OLR1: variants seen among roughly 807,000 people sequenced by gnomAD.
The protein encoded by OLR1 is oxidized low density lipoprotein receptor 1.
In OLR1, 23 loss-of-function variants were observed where a neutral mutation model predicts 31.7. The observed-to-expected ratio is 0.72, with a 90% confidence interval of 0.52 to 1.03. OLR1 has a LOEUF of 1.03. OLR1 is among the 50% of genes least tolerant of loss of function. OLR1 has a pLI of 0.00. For missense variants in OLR1, 286 were observed against 315.7 expected (o/e 0.91, Z 0.71); for synonymous variants, 117 against 115.8 (o/e 1.01, Z -0.07).
Position 10,159,869 on chromosome 12 carries a change from AGCCTTCAAATTCACTGTGCTCTTAGGTTT to A in OLR1, c.804_*10del. 6.3e-7 allele frequency: 1 copy of A among 1,594,380 alleles called. No homozygotes were observed. The highest frequency in any genetic ancestry group is 8.6e-7 in the Non-Finnish European group (1 of 1,169,008). ...CAAAGACTTTTTTCTTTTCTTCCAG[AGCCTTCAAATTCACTGTGCTCTTAGGTTT>A]GCCTTCTTCTGACATATACTGAAGG... On this transcript the variant is annotated stop_lost and 3_prime_UTR_variant, in exon 6 of 6. Transcript: ENST00000309539.
chr12:10,175,972 T>C (rs1373168981), upstream of OLR1, among the ~76,000 whole-genome samples: 1 of 152,254 alleles, frequency 6.6e-6, no homozygotes, highest in Non-Finnish European at 1.5e-5. Flanking sequence ...CCCTGAAGCA[T>C]AGGTGTAAAA....
intron 3 of OLR1, 105 bp from the exon 4 acceptor site, chr12:10,161,030 A>G: frequency 8.3e-7 from 1 of 1,203,080 alleles, no homozygotes; most frequent in Non-Finnish European, 1.2e-6. Flanking sequence ...CATACTATTT[A>G]TTTTTGTTTT....
chr12:10,171,851 T>C (rs1270041361), intron 1 of OLR1, 151 bp downstream of exon 1: 4 of 592,560 alleles, frequency 6.8e-6, no homozygotes, highest in Non-Finnish European at 1.2e-5. Flanking sequence ...ATCATCATTA[T>C]AGCCTTCTTG....
intron 2 of OLR1, 163 bp from the exon 3 acceptor site, chr12:10,167,120 A>C (rs1033754413): frequency 1.6e-6 from 1 of 637,732 alleles, no homozygotes; most frequent in Non-Finnish European, 2.7e-6. Context: ...AGGTTCTTGA[A>C]TATTCCTGCA....
At chr12:10,166,256 G>A (rs548573478) in intron 3 of OLR1, among the ~76,000 whole-genome samples, 22 of 152,046 alleles carry the variant, frequency 1.4e-4, no homozygotes, top group Admixed American at 1.1e-3. Flanking sequence ...GACCGAGAGC[G>A]GTGGCTCATG....
intron 3 of OLR1, among the ~76,000 whole-genome samples, chr12:10,162,615 G>A (rs766589294): frequency 2.0e-5 from 3 of 152,118 alleles, no homozygotes; most frequent in Non-Finnish European, 4.4e-5. Flanking sequence ...ATCGCTTGAG[G>A]CCAGGAGTTC....
intron 2 of OLR1, 94 bp from the exon 3 acceptor site, chr12:10,167,051 T>G: frequency 3.2e-6 from 4 of 1,238,610 alleles, no homozygotes; most frequent in Non-Finnish European, 3.4e-6. Flanking sequence ...TAAATCTATT[T>G]TGACAATAGA....
chr12:10,163,930 C>CA lies in OLR1; in HGVS notation c.424+2781dup, dbSNP rs943599614. Among the ~76,000 whole-genome samples the CA allele has an allele frequency of 4.5e-3, 593 of 133,256 alleles. 3 individuals are homozygous for CA. The highest frequency in any genetic ancestry group is 0.016 in the Middle Eastern group (4 of 258). 87.4% of individuals were successfully genotyped at this position (133,256 alleles called of 152,430 possible). A position where few individuals can be genotyped will look rare whatever the true frequency, so the allele number is the denominator to read the frequency against. ...TGGGTGACAGAGCGAGACTCCGTCT[C>CA]AAAAAAAAAAAAATGCTCTTTGATG... On this transcript the variant is annotated intron_variant, in intron 3 of 5. Transcript: ENST00000309539.
rs1421920051 is a variant in OLR1, at chr12:10,168,618, T to C, written c.178+456A>G. Among the ~76,000 whole-genome samples, 5 of 152,102 alleles carry C rather than the reference T, an allele frequency of 3.3e-5. No homozygotes were observed. In the East Asian group the frequency reaches 9.6e-4, roughly 29 times the overall value. ...AAGCTATTCTCCTACCTCAGCCTCC[T>C]GAGTAGCTGGGATTACAAGCATGTG... On this transcript the variant is annotated intron_variant, in intron 2 of 5. Transcript: ENST00000309539.
In OLR1 at chr12:10,169,102, T is replaced by C; in HGVS notation, c.150A>G (p.Val50=). ...GCATGCCCAGCACCATAATGGTCAC[T>C]ACTAATCCCAGGCAAAGGACCCCTA... ...ATLGVLCLGL[V]VTIMVLGMQL... The change falls in exon 2 of 6, where the codon GTA becomes GTG. Residue 50 remains valine, a synonymous_variant. Transcript: ENST00000309539. 6.2e-7 allele frequency: 1 copy of C among 1,613,880 alleles called. No homozygotes were observed. Among genetic ancestry groups the C allele is most frequent in the Non-Finnish European group, 8.5e-7 (1 of 1,179,914 alleles).
Position 10,160,411 on chromosome 12 carries a change from G to A in OLR1, c.616C>T (p.Leu206=). Residue 206 remains leucine (L), a synonymous_variant, in exon 5 of 6, where the codon CTG becomes TTG. Transcript: ENST00000309539. ...GGGTAGCTGGGGTTCCTCCGAGACA[G>A]CCCCATCCAGAATGGAAAACTGGAA... ...SYSSFPFWMG[L]SRRNPSYPWL... 6.2e-7 allele frequency: 1 copy of A among 1,613,900 alleles called. No homozygotes were observed. Among genetic ancestry groups the A allele is most frequent in the South Asian group, 1.1e-5 (1 of 90,964 alleles).
intron 2 of OLR1, among the ~76,000 whole-genome samples, chr12:10,167,831 G>C (rs1948675702): frequency 6.6e-6 from 1 of 152,016 alleles, no homozygotes; most frequent in African/African-American, 2.4e-5. Context: ...TGAAGGTTGT[G>C]AAATCAAGCA....
At chr12:10,166,506 C>T (rs577849318) in intron 3 of OLR1, among the ~76,000 whole-genome samples, 1 of 144,394 alleles carries the variant, frequency 6.9e-6, no homozygotes, top group South Asian at 2.2e-4. Context: ...CCAGCCTGGG[C>T]AAAAGAGCGA....
chr12:10,166,648 A>G (rs573323273), intron 3 of OLR1, 64 bp downstream of exon 3: 5 of 1,593,832 alleles, frequency 3.1e-6, no homozygotes, highest in Non-Finnish European at 4.3e-6. Flanking sequence ...ATTGTTTCCA[A>G]AAAATAGTTA....
chr12:10,162,156 C>T (rs527448330), intron 3 of OLR1, among the ~76,000 whole-genome samples: 3 of 151,958 alleles, frequency 2.0e-5, no homozygotes, highest in Admixed American at 2.0e-4. Flanking sequence ...TTTCAGGAAC[C>T]CTCAAATCAT....
chr12:10,166,769 G>C lies in OLR1; in HGVS notation c.367C>G (p.Leu123Val). Reference protein sequence around the residue: ...LNEKSKEQMELHHQNLNLQET... With the variant: ...LNEKSKEQMEVHHQNLNLQET... ...TGGAGATTCAGATTCTGGTGGTGAA[G>C]TTCCATTTGCTCTTTGGATTTCTCA... The change falls in exon 3 of 6, where the codon CTT (leucine) becomes GTT (valine). Residue 123 changes from leucine to valine, a missense_variant. Transcript: ENST00000309539. 1 of 1,613,958 alleles carries C rather than the reference G, an allele frequency of 6.2e-7. No individual in the cohort carries two copies.
chr12:10,168,311 A>G (rs1948679273), intron 2 of OLR1, among the ~76,000 whole-genome samples: 2 of 152,060 alleles, frequency 1.3e-5, no homozygotes, highest in African/African-American at 2.4e-5. Context: ...ATTTATTAAG[A>G]TTGTGTTTCT....
At position 10,158,503 on chromosome 12, in the gene OLR1, A is replaced by AC. The variant is rs1855818145; in HGVS notation, c.*1376dup. ...AATTATGCAAAGTGAAAGAAGCCAG[A>AC]CAAAAAAAAAAGACATACTATATGA... On this transcript the variant is annotated 3_prime_UTR_variant, in exon 6 of 6. Coordinates refer to ENST00000309539, the MANE Select transcript of OLR1 (RefSeq NM_002543.4). 1 of 152,106 alleles carries AC rather than the reference A, an allele frequency of 6.6e-6. No individual in the cohort carries two copies. The highest frequency in any genetic ancestry group is 2.4e-5 in the African/African-American group (1 of 41,420). 9.4% of individuals were successfully genotyped at this position (152,106 alleles called of 1,614,324 possible).
upstream of OLR1, among the ~76,000 whole-genome samples, chr12:10,176,075 A>G (rs902958350): frequency 5.3e-5 from 8 of 152,188 alleles, no homozygotes; most frequent in African/African-American, 1.9e-4. Context: ...GAACTGCACA[A>G]GATTGTATAG....
Sources: allele counts gnomAD v4.1 joint callset (sites outside exome capture counted in the v4.1 genomes callset), GRCh38; gene constraint gnomAD v4.1.1; transcripts MANE v1.5; gene names NCBI Gene and HGNC (gene_info 2026-07-23, HGNC 2026-07-21).